ATP8A2: variants seen among roughly 807,000 people sequenced by gnomAD.
ATP8A2 encodes ATPase phospholipid transporting 8A2.
Under a neutral mutation model 165.6 loss-of-function variants are expected in ATP8A2, and 100 were observed. That is an observed-to-expected ratio of 0.60 (90% CI 0.51 to 0.71). The LOEUF (loss-of-function observed/expected upper bound fraction) is 0.71. Among genes scored for constraint, ATP8A2 ranks in the 30% least tolerant of loss-of-function variants. ATP8A2 has a pLI of 0.00. For synonymous variants in ATP8A2, 543 were observed against 548.8 expected, an observed-to-expected ratio of 0.99 and a Z score of 0.15; for missense variants, 1,227 against 1,479.5, an observed-to-expected ratio of 0.83 and a Z score of 2.80.
At chr13:25,565,309 T>G (rs1036890855) in intron 16 of ATP8A2, among the ~76,000 whole-genome samples, 11 of 152,190 alleles carry the variant, frequency 7.2e-5, no homozygotes, top group Non-Finnish European at 1.3e-4. Flanking sequence ...CTCTGCACTG[T>G]TTTCCATAGT....
intron 27 of ATP8A2, among the ~76,000 whole-genome samples, chr13:25,798,104 G>T (rs1311605531): frequency 6.6e-6 from 1 of 151,918 alleles, no homozygotes; most frequent in African/African-American, 2.4e-5. Flanking sequence ...ATTTTGCAGA[G>T]GCTATGACTT....
At chr13:25,615,035 T>C (rs898299426) in intron 24 of ATP8A2, among the ~76,000 whole-genome samples, 6 of 152,180 alleles carry the variant, frequency 3.9e-5, no homozygotes, top group African/African-American at 1.4e-4. Flanking sequence ...GATACAAGCT[T>C]GCCCTAGGGT....
At chr13:25,943,075 G>A (rs1323824176) in intron 33 of ATP8A2, among the ~76,000 whole-genome samples, 3 of 152,118 alleles carry the variant, frequency 2.0e-5, no homozygotes, top group African/African-American at 4.8e-5. Context: ...TGCTCTGTGT[G>A]CTCCATTAGA....
intron 24 of ATP8A2, among the ~76,000 whole-genome samples, chr13:25,683,224 A>G (rs986111972): frequency 6.6e-6 from 1 of 152,156 alleles, no homozygotes; most frequent in Non-Finnish European, 1.5e-5. Flanking sequence ...TTGCCCTTAG[A>G]CATTAAGCCT....
At chr13:25,716,979 G>A (rs1009523003) in intron 25 of ATP8A2, among the ~76,000 whole-genome samples, 3 of 152,138 alleles carry the variant, frequency 2.0e-5, no homozygotes, top group Admixed American at 1.3e-4. Context: ...CAAACATACC[G>A]ACTCAGAGGC....
chr13:25,844,868 C>T lies in ATP8A2; in HGVS notation c.2956+5244C>T, dbSNP rs78636775. 2.7e-3 allele frequency among the ~76,000 whole-genome samples: 414 copies of T among 152,254 alleles called. 3 individuals are homozygous for T. The highest frequency in any genetic ancestry group is 9.6e-3 in the African/African-American group (400 of 41,536). ...TGCCTCCACCATCTATGGAGAGAAC[C>T]TCAGGTATATATCAACAGTGTTCAC... is the stretch of plus-strand genomic sequence containing the variant. On this transcript the variant is annotated intron_variant, in intron 30 of 36. Coordinates refer to ENST00000381655, the MANE Select transcript of ATP8A2 (RefSeq NM_016529.6).
At chr13:25,597,983 G>T (rs1246062932) in intron 24 of ATP8A2, among the ~76,000 whole-genome samples, 1 of 151,894 alleles carries the variant, frequency 6.6e-6, no homozygotes, top group Non-Finnish European at 1.5e-5. Flanking sequence ...AGTGCCTCTT[G>T]TGTTTACTTC....
At chr13:25,691,826 A>T (rs559983364) in intron 24 of ATP8A2, among the ~76,000 whole-genome samples, 1 of 152,360 alleles carries the variant, frequency 6.6e-6, no homozygotes, top group East Asian at 1.9e-4. Context: ...TGGAGGCCTT[A>T]TGTAATTACT....
At chr13:25,967,495 T>G (rs1378044716) in intron 34 of ATP8A2, among the ~76,000 whole-genome samples, 1 of 152,202 alleles carries the variant, frequency 6.6e-6, no homozygotes, top group African/African-American at 2.4e-5. Flanking sequence ...GCCCACATCT[T>G]CAGAATGTTC....
intron 24 of ATP8A2, among the ~76,000 whole-genome samples, chr13:25,698,637 T>G (rs1437918525): frequency 6.6e-6 from 1 of 152,118 alleles, no homozygotes; most frequent in Non-Finnish European, 1.5e-5. Flanking sequence ...TTTTGGTAGG[T>G]GTTGGCAGTT....
intron 33 of ATP8A2, among the ~76,000 whole-genome samples, chr13:25,881,576 A>T (rs1378638858): frequency 6.6e-6 from 1 of 151,996 alleles, no homozygotes; most frequent in African/African-American, 2.4e-5. Context: ...CGTGTCCTCC[A>T]TGGAGAGAGA....
chr13:25,999,802 G>A (rs1231562604), intron 35 of ATP8A2, among the ~76,000 whole-genome samples: 1 of 152,132 alleles, frequency 6.6e-6, no homozygotes, highest in African/African-American at 2.4e-5. Flanking sequence ...GGCAGAAAGG[G>A]GAAAGGAGAA....
intron 27 of ATP8A2, among the ~76,000 whole-genome samples, chr13:25,810,681 C>A (rs550721343): frequency 6.6e-6 from 1 of 152,152 alleles, no homozygotes; most frequent in Admixed American, 6.5e-5. Context: ...CTGTGTCTAT[C>A]TTAGTAAATA....
At chr13:25,397,715 C>T (rs1354982201) in intron 1 of ATP8A2, among the ~76,000 whole-genome samples, 1 of 152,202 alleles carries the variant, frequency 6.6e-6, no homozygotes, top group African/African-American at 2.4e-5. Context: ...GTCCTGAGAA[C>T]ATGTGCCCAA....
intron 33 of ATP8A2, among the ~76,000 whole-genome samples, chr13:25,909,190 A>G (rs542478113): frequency 1.3e-5 from 2 of 152,294 alleles, no homozygotes; most frequent in South Asian, 2.1e-4. Context: ...GTAGAGTGAC[A>G]TACTAGTCCC....
At chr13:25,520,216 T>C (rs1406261421) in intron 2 of ATP8A2, among the ~76,000 whole-genome samples, 1 of 152,220 alleles carries the variant, frequency 6.6e-6, no homozygotes, top group Non-Finnish European at 1.5e-5. Context: ...GTCTGCCCTC[T>C]GTCTTCATGA....
At chr13:25,704,286 C>T (rs2043009956) in intron 25 of ATP8A2, among the ~76,000 whole-genome samples, 2 of 151,782 alleles carry the variant, frequency 1.3e-5, no homozygotes, top group Non-Finnish European at 2.9e-5. Flanking sequence ...GCTTGTCCAG[C>T]GTGGCCCCTC....
intron 35 of ATP8A2, among the ~76,000 whole-genome samples, chr13:25,995,539 C>A (rs1956481303): frequency 6.6e-6 from 1 of 151,486 alleles, no homozygotes; most frequent in African/African-American, 2.4e-5. Flanking sequence ...TGTCTTAAGG[C>A]TTTTTCTTTA....
intron 1 of ATP8A2, among the ~76,000 whole-genome samples, chr13:25,450,822 C>T (rs1046550224): frequency 4.6e-5 from 7 of 151,982 alleles, no homozygotes; most frequent in South Asian, 2.1e-4. Flanking sequence ...TGAGCCACCG[C>T]GCCCAGCCCT....
Sources: gnomAD v4.1 joint callset for allele counts (sites outside exome capture counted in the v4.1 genomes callset) on GRCh38, gnomAD v4.1.1 for gene constraint, MANE v1.5 for transcripts, NCBI Gene and HGNC (gene_info 2026-07-23, HGNC 2026-07-21) for gene names.